The following ALDH1A2 variants were observed in gnomAD, a reference collection of about 807,000 sequenced individuals.
ALDH1A2 encodes aldehyde dehydrogenase 1 family member A2, also known as retinal dehydrogenase 2.
In ALDH1A2, 27 loss-of-function variants were observed where a neutral mutation model predicts 60.3. The observed-to-expected ratio is 0.45, with a 90% CI of 0.33 to 0.62. ALDH1A2 has a LOEUF of 0.62. Ranked by LOEUF, ALDH1A2 falls within the 20% of genes least tolerant of loss-of-function variation. The pLI, the probability that ALDH1A2 is intolerant of heterozygous loss-of-function variation, is 0.02. For missense variants in ALDH1A2, 581 were observed against 643.8 expected, an observed-to-expected ratio of 0.90 and a Z score of 1.06; for synonymous variants, 289 against 232.4, an observed-to-expected ratio of 1.24 and a Z score of -2.21.
At chr15:57,999,980 C>T (rs1397486192) in intron 4 of ALDH1A2, among the ~76,000 whole-genome samples, 1 of 151,990 alleles carries the variant, frequency 6.6e-6, no homozygotes, top group African/African-American at 2.4e-5. Flanking sequence ...CCGAACATCA[C>T]ATATTTTCAT....
rs1420502021 is a variant in ALDH1A2, at chr15:57,954,138, C to T, written c.*1059G>A. Reference sequence around the variant, plus strand: ...GGCTTGGCCAGATTTTCCAAGGTCACTGCCAATAGATACAGGGCACATTAT... The same window carrying T: ...GGCTTGGCCAGATTTTCCAAGGTCATTGCCAATAGATACAGGGCACATTAT... On this transcript the variant is annotated 3_prime_UTR_variant, in exon 13 of 13. Transcript: ENST00000249750. The T allele has an allele frequency of 1.3e-5, 2 of 152,358 alleles. No individual in the cohort carries two copies. The highest frequency in any genetic ancestry group is 2.4e-5 in the African/African-American group (1 of 41,448). The allele number at this position is 152,358 out of a possible 1,614,324, so 9.4% of individuals were successfully genotyped here.
At chr15:57,980,301 TC>T (rs1894448352) in intron 7 of ALDH1A2, 1 of 415,296 alleles carries the variant, frequency 2.4e-6, no homozygotes, top group Non-Finnish European at 4.9e-6. Context: ...TGCCTCATGT[TC>T]CCACTCTCAA....
chr15:57,986,510 T>C (rs543161117), intron 7 of ALDH1A2, among the ~76,000 whole-genome samples: 24 of 134,572 alleles, frequency 1.8e-4, no homozygotes, highest in Admixed American at 2.5e-4. Context: ...CAACAAAATC[T>C]CTAAGTTCAG....
chr15:57,957,335 C>G (rs141649682), intron 12 of ALDH1A2, among the ~76,000 whole-genome samples: 136 of 152,314 alleles, frequency 8.9e-4, no homozygotes, highest in African/African-American at 2.7e-3. Flanking sequence ...ACGCTACCCC[C>G]ACCCCACAAA....
At position 57,965,801 on chromosome 15, in the gene ALDH1A2, A is replaced by G; in HGVS notation, c.825T>C (p.Ala275=). Reference sequence around the variant, plus strand: ...TTACTCTCTTCAAATTACTTCTTCCAGCTGCTTCTTGGATAAGCTTTCCAA... The same window carrying G: ...TTACTCTCTTCAAATTACTTCTTCCGGCTGCTTCTTGGATAAGCTTTCCAA... ...TEVGKLIQEA[A]GRSNLKRVTL... Residue 275 remains alanine, a synonymous_variant, in exon 8 of 13, where the codon GCT becomes GCC. Transcript: ENST00000249750. The G allele has an allele frequency of 6.2e-7, 1 of 1,614,168 alleles. No homozygotes were observed. The highest frequency in any genetic ancestry group is 8.5e-7 in the Non-Finnish European group (1 of 1,179,996).
intron 4 of ALDH1A2, 78 bp from the exon 5 acceptor site, chr15:57,995,217 CAA>C (rs34068380): frequency 0.041 from 11,470 of 278,038 alleles, 30 homozygotes; most frequent in African/African-American, 0.09. Context: ...TTGGTGGCTG[CAA>C]AAAAAAAAAA....
At chr15:58,014,322 G>GAT (rs1566949266) in intron 1 of ALDH1A2, 41 bp from the exon 2 acceptor site, 1 of 1,498,368 alleles carries the variant, frequency 6.7e-7, no homozygotes, top group Admixed American at 1.7e-5. Context: ...TGACACAGGT[G>GAT]ATAAGCAGCC....
chr15:58,005,242 C>T (rs1423438603), intron 4 of ALDH1A2, among the ~76,000 whole-genome samples: 9 of 151,954 alleles, frequency 5.9e-5, no homozygotes, highest in Admixed American at 5.9e-4. Context: ...ATCCCACCAC[C>T]CTCTCCAGGA....
At chr15:57,972,114 G>A (rs146449647) in intron 7 of ALDH1A2, among the ~76,000 whole-genome samples, 9 of 151,500 alleles carry the variant, frequency 5.9e-5, no homozygotes, top group African/African-American at 2.2e-4. Flanking sequence ...AAACTGGGAG[G>A]CAGGAATTAT....
intron 1 of ALDH1A2, among the ~76,000 whole-genome samples, chr15:58,058,369 T>G (rs183941772): frequency 6.6e-5 from 10 of 151,838 alleles, no homozygotes; most frequent in South Asian, 4.2e-4. Context: ...CCAGATTCAT[T>G]TACTGGGAGG....
intron 12 of ALDH1A2, among the ~76,000 whole-genome samples, chr15:57,957,820 GCT>G (rs2140444272): frequency 6.6e-6 from 1 of 152,168 alleles, no homozygotes; most frequent in East Asian, 1.9e-4. Context: ...ATATTTTCCT[GCT>G]CTTTTACTTG....
intron 1 of ALDH1A2, among the ~76,000 whole-genome samples, chr15:58,061,680 G>A (rs905735661): frequency 1.4e-5 from 2 of 145,706 alleles, no homozygotes; most frequent in African/African-American, 5.0e-5. Context: ...AAAAGTGTAT[G>A]GTGATGAAAA....
chr15:57,960,947 C>T, intron 11 of ALDH1A2, 103 bp from the exon 12 acceptor site: 2 of 1,372,234 alleles, frequency 1.5e-6, no homozygotes, highest in Non-Finnish European at 1.0e-6. Context: ...AATTCCTTTC[C>T]TCCAGAGGAA....
chr15:58,005,352 G>GT (rs1400858528), intron 4 of ALDH1A2, among the ~76,000 whole-genome samples: 1 of 151,032 alleles, frequency 6.6e-6, no homozygotes, highest in East Asian at 2.0e-4. Context: ...TTCGCTACTT[G>GT]TTTTTCTTAC....
Position 58,010,616 on chromosome 15 carries a change from T to C in ALDH1A2, c.493+33A>G, listed in dbSNP as rs146967417. The C allele has an allele frequency of 5.0e-6, 8 of 1,610,308 alleles. No individual in the cohort carries two copies. The African/African-American group carries it at 9.3e-5, about 19-fold the overall frequency. On this transcript the variant is annotated intron_variant, in intron 4 of 12. Coordinates refer to ENST00000249750, the MANE Select transcript of ALDH1A2 (RefSeq NM_003888.4). ...AAAGCGCATTTCTGGTGGTTTCACGTTTTCCTTTTCAACGTACTCAGATTT... is the reference window on the plus strand; with the variant it reads ...AAAGCGCATTTCTGGTGGTTTCACGCTTTCCTTTTCAACGTACTCAGATTT...
chr15:57,958,456 A>C (rs1893613539), intron 12 of ALDH1A2, among the ~76,000 whole-genome samples: 1 of 152,168 alleles, frequency 6.6e-6, no homozygotes, highest in African/African-American at 2.4e-5. Flanking sequence ...GGAGGACCTG[A>C]GAAAAGCTCG....
At chr15:58,008,406 G>C (rs1266168881) in intron 4 of ALDH1A2, among the ~76,000 whole-genome samples, 1 of 151,990 alleles carries the variant, frequency 6.6e-6, no homozygotes, top group Non-Finnish European at 1.5e-5. Flanking sequence ...GCATCCACAG[G>C]ATCTCCAAAA....
At chr15:57,958,613 G>A (rs1893619449) in intron 12 of ALDH1A2, among the ~76,000 whole-genome samples, 1 of 152,178 alleles carries the variant, frequency 6.6e-6, no homozygotes, top group African/African-American at 2.4e-5. Context: ...TAGACAGGGA[G>A]GTGTCAGGGA....
intron 4 of ALDH1A2, among the ~76,000 whole-genome samples, chr15:57,997,099 C>T (rs1895088926): frequency 1.3e-5 from 2 of 151,928 alleles, no homozygotes. Flanking sequence ...GATTCTGCAA[C>T]TGTATGAAAT....
Sources: allele counts gnomAD v4.1 joint callset (sites outside exome capture counted in the v4.1 genomes callset), GRCh38; gene constraint gnomAD v4.1.1; transcripts MANE v1.5; gene names NCBI Gene and HGNC (gene_info 2026-07-23, HGNC 2026-07-21).